Variants in LRBA observed in about 807,000 individuals in gnomAD.
LRBA encodes LPS responsive beige-like anchor protein.
Under a neutral mutation model 330.0 loss-of-function variants are expected in LRBA, and 176 were observed. The ratio of observed to expected loss-of-function variants is 0.53; its 90% CI spans 0.47 to 0.60. The LOEUF (loss-of-function observed/expected upper bound fraction) is 0.60. Among genes scored for constraint, LRBA ranks in the 20% least tolerant of loss-of-function variants. The pLI, the probability that LRBA is intolerant of heterozygous loss-of-function variation, is 0.00. For missense variants in LRBA, 3,259 were observed against 3,444.8 expected (o/e 0.95, Z 1.35); for synonymous variants, 1,230 against 1,193.0 (o/e 1.03, Z -0.64).
intron 36 of LRBA, among the ~76,000 whole-genome samples, chr4:150,690,116 T>A (rs1783984998): frequency 6.6e-6 from 1 of 152,116 alleles, no homozygotes; most frequent in Non-Finnish European, 1.5e-5. Flanking sequence ...AGATTCAACA[T>A]TTTAAAAATT....
intron 35 of LRBA, among the ~76,000 whole-genome samples, chr4:150,736,984 C>G (rs939529535): frequency 6.6e-6 from 1 of 152,062 alleles, no homozygotes; most frequent in Admixed American, 6.6e-5. Context: ...GAGGTCCGGG[C>G]GAGAGGATCA....
chr4:150,722,357 AAAAG>A (rs1216489859), intron 36 of LRBA, among the ~76,000 whole-genome samples: 1 of 152,182 alleles, frequency 6.6e-6, no homozygotes, highest in Non-Finnish European at 1.5e-5. Flanking sequence ...GAACTGAGTC[AAAAG>A]AAAGAATCTG....
intron 40 of LRBA, among the ~76,000 whole-genome samples, chr4:150,570,325 G>A (rs1040063758): frequency 3.9e-5 from 6 of 152,016 alleles, no homozygotes; most frequent in African/African-American, 1.4e-4. Flanking sequence ...TGTCCCCACT[G>A]TAGGCTGCAT....
intron 26 of LRBA, among the ~76,000 whole-genome samples, chr4:150,847,924 G>C (rs977334118): frequency 6.6e-6 from 1 of 152,096 alleles, no homozygotes; most frequent in Non-Finnish European, 1.5e-5. Context: ...TGCTAGTTTA[G>C]AACGTTGTTA....
At chr4:150,980,721 T>C (rs1356742360) in intron 2 of LRBA, among the ~76,000 whole-genome samples, 2 of 152,154 alleles carry the variant, frequency 1.3e-5, no homozygotes, top group African/African-American at 4.8e-5. Context: ...TATGATATGA[T>C]CTTATATTTG....
At chr4:150,526,894 A>T (rs1232978032) in intron 40 of LRBA, among the ~76,000 whole-genome samples, 1 of 152,036 alleles carries the variant, frequency 6.6e-6, no homozygotes, top group Non-Finnish European at 1.5e-5. Context: ...TCAAAAACAT[A>T]TTTTTATATT....
chr4:150,801,979 T>C (rs1012256933), intron 33 of LRBA, among the ~76,000 whole-genome samples: 1 of 151,006 alleles, frequency 6.6e-6, no homozygotes, highest in African/African-American at 2.4e-5. Context: ...AAGAACAGCC[T>C]GGGCAACGCA....
chr4:150,614,023 G>A (rs1775526440), intron 37 of LRBA, among the ~76,000 whole-genome samples: 2 of 151,782 alleles, frequency 1.3e-5, no homozygotes, highest in Admixed American at 6.6e-5. Context: ...TCAACAATAA[G>A]ATGACTCTCA....
intron 37 of LRBA, among the ~76,000 whole-genome samples, chr4:150,646,220 T>G (rs945940438): frequency 3.9e-5 from 6 of 151,928 alleles, no homozygotes; most frequent in Non-Finnish European, 5.9e-5. Flanking sequence ...TGACATATTG[T>G]GGGGTATATA....
At chr4:150,382,545 C>T (rs1742433271) in intron 47 of LRBA, among the ~76,000 whole-genome samples, 1 of 151,564 alleles carries the variant, frequency 6.6e-6, no homozygotes, top group Non-Finnish European at 1.5e-5. Flanking sequence ...ATCGCTTGAG[C>T]CTGGGAGGCA....
intron 47 of LRBA, among the ~76,000 whole-genome samples, chr4:150,408,454 A>G (rs1208369963): frequency 6.6e-6 from 1 of 152,184 alleles, no homozygotes; most frequent in African/African-American, 2.4e-5. Context: ...GAATTCCACC[A>G]AACATTTAAA....
At position 150,471,856 on chromosome 4, in the gene LRBA, G is replaced by A. The variant is rs1581413194; in HGVS notation, c.6552-117C>T. 17 of 633,754 alleles carry A rather than the reference G, an allele frequency of 2.7e-5. No homozygotes were observed. In the East Asian group the frequency reaches 3.1e-4, roughly 12 times the overall value. 39.3% of individuals were successfully genotyped at this position (633,754 alleles called of 1,614,324 possible). A position where few individuals can be genotyped will look rare whatever the true frequency, so the allele number is the denominator to read the frequency against. ...ATTCTGAAAAGTTCTATTCATGTTA[G>A]ACTAATGAATACTAGAGAGGTTTCA... is the stretch of plus-strand genomic sequence containing the variant. On this transcript the variant is annotated intron_variant, in intron 42 of 56. Transcript: ENST00000651943.
intron 36 of LRBA, among the ~76,000 whole-genome samples, chr4:150,713,000 G>A (rs772007822): frequency 1.3e-5 from 2 of 152,022 alleles, no homozygotes; most frequent in African/African-American, 2.4e-5. Flanking sequence ...ACAGTGGCCC[G>A]ATTACAGTGC....
At chr4:150,382,567 G>A (rs1742436251) in intron 47 of LRBA, among the ~76,000 whole-genome samples, 1 of 151,460 alleles carries the variant, frequency 6.6e-6, no homozygotes, top group Admixed American at 6.6e-5. Flanking sequence ...AGGCTGCAGT[G>A]AGCTGAGACT....
At chr4:150,767,137 A>G (rs1489538290) in intron 34 of LRBA, among the ~76,000 whole-genome samples, 1 of 152,172 alleles carries the variant, frequency 6.6e-6, no homozygotes, top group African/African-American at 2.4e-5. Context: ...ATTCCTGCCT[A>G]TCCTCAACAA....
chr4:150,532,548 C>T (rs1764153770), intron 40 of LRBA, among the ~76,000 whole-genome samples: 1 of 151,882 alleles, frequency 6.6e-6, no homozygotes, highest in South Asian at 2.1e-4. Context: ...GGTCATTTAT[C>T]TTTAAAAAAA....
At chr4:151,010,009 A>G (rs959373303) in intron 2 of LRBA, among the ~76,000 whole-genome samples, 3 of 151,774 alleles carry the variant, frequency 2.0e-5, no homozygotes, top group African/African-American at 4.8e-5. Context: ...TAAATAAATA[A>G]ATAAAAATTT....
chr4:151,003,003 G>A (rs1743557085), intron 2 of LRBA, among the ~76,000 whole-genome samples: 1 of 151,344 alleles, frequency 6.6e-6, no homozygotes, highest in African/African-American at 2.4e-5. Context: ...AATAGAGCAA[G>A]ACCTTGTCTC....
At chr4:150,688,820 T>C (rs937452541) in intron 36 of LRBA, among the ~76,000 whole-genome samples, 1 of 152,180 alleles carries the variant, frequency 6.6e-6, no homozygotes, top group Non-Finnish European at 1.5e-5. Context: ...GGAAAGGATG[T>C]GGAGAAATAG....
Sources: gnomAD v4.1 joint callset for allele counts (sites outside exome capture counted in the v4.1 genomes callset) on GRCh38, gnomAD v4.1.1 for gene constraint, MANE v1.5 for transcripts, NCBI Gene and HGNC (gene_info 2026-07-23, HGNC 2026-07-21) for gene names.